HOXA3: variants seen among roughly 807,000 people sequenced by gnomAD.
The protein encoded by HOXA3 is homeobox A3.
Under a neutral mutation model 30.3 loss-of-function variants are expected in HOXA3, and 8 were observed. The ratio of observed to expected loss-of-function variants is 0.26; its 90% confidence interval spans 0.15 to 0.48. The LOEUF (loss-of-function observed/expected upper bound fraction) is 0.48, where lower values mean the gene tolerates loss of function less well. HOXA3 is among the 20% of genes least tolerant of loss of function. The pLI is 0.99. For missense variants in HOXA3, 653 were observed against 614.4 expected (o/e 1.06, Z -0.66); for synonymous variants, 323 against 273.1 (o/e 1.18, Z -1.80).
chr7:27,145,746 T>C (rs1583410880), intron 1 of HOXA3: 1 of 1,614,090 alleles, frequency 6.2e-7, no homozygotes, highest in African/African-American at 1.3e-5. Flanking sequence ...CATGCGGCGG[T>C]TCTGGAACCA....
chr7:27,116,864 C>T (rs1784752885), intron 4 of HOXA3, among the ~76,000 whole-genome samples: 1 of 152,114 alleles, frequency 6.6e-6, no homozygotes, highest in African/African-American at 2.4e-5. Flanking sequence ...TGGTTACTGC[C>T]GAGGCCGGCA....
chr7:27,108,697 T>A lies in HOXA3; in HGVS notation c.550A>T (p.Ser184Cys). Residue 184 changes from serine (S) to cysteine (C), a missense_variant, in exon 6 of 6, where the codon AGC (serine) becomes TGC (cysteine). Physicochemically the swap from Ser to Cys is moderately radical, Grantham distance 112. Around this residue, in one of 3 missense-constraint regions of HOXA3, gnomAD observed 320 missense variants for 321.9 expected, o/e 0.99. Transcript: ENST00000612286. This position sits in a 1 kb window ranked among gnomAD's most constrained non-coding sequence, Gnocchi z 5.0. ...SSGESCAGDK[S>C]PPGQASSKRA... ...TTGGACGAAGCCTGCCCCGGCGGGC[T>A]CTTGTCGCCAGCGCAGCTTTCGCCT... 1 of 1,604,558 alleles carries A rather than the reference T, an allele frequency of 6.2e-7. No individual in the cohort carries two copies. The highest frequency in any genetic ancestry group is 2.2e-5 in the East Asian group (1 of 44,608).
chr7:27,143,472 C>T (rs1355959652), intron 1 of HOXA3: 4 of 1,613,726 alleles, frequency 2.5e-6, no homozygotes, highest in Non-Finnish European at 3.4e-6. Context: ...TAGCCGTAGC[C>T]GTACCTGCCG....
intron 1 of HOXA3, among the ~76,000 whole-genome samples, chr7:27,148,888 A>C (rs1181637357): frequency 6.6e-6 from 1 of 152,246 alleles, no homozygotes; most frequent in Non-Finnish European, 1.5e-5. Context: ...GCAGCTCTGC[A>C]GGGCCCAAGG....
intron 1 of HOXA3, among the ~76,000 whole-genome samples, chr7:27,145,057 G>T (rs1782702696): frequency 6.6e-6 from 1 of 152,200 alleles, no homozygotes; most frequent in South Asian, 2.1e-4. Flanking sequence ...ACGCGGGACC[G>T]AGAGACTGGG....
intron 5 of HOXA3, among the ~76,000 whole-genome samples, chr7:27,109,551 GGAT>G (rs945992218): frequency 3.9e-5 from 6 of 152,332 alleles, no homozygotes; most frequent in South Asian, 2.1e-4. Flanking sequence ...GTTCCCATTA[GGAT>G]GATAAGTCTG....
chr7:27,130,367 C>T, intron 2 of HOXA3: 1 of 1,140,656 alleles, frequency 8.8e-7, no homozygotes, highest in Non-Finnish European at 1.1e-6. Context: ...GGGCCCTTGG[C>T]TTGCGCCGGG....
chr7:27,145,633 G>A, intron 1 of HOXA3: 1 of 1,604,946 alleles, frequency 6.2e-7, no homozygotes, highest in Non-Finnish European at 8.5e-7. Context: ...AGGTTGCAGC[G>A]CTGGCCTGGT....
intron 1 of HOXA3, among the ~76,000 whole-genome samples, chr7:27,146,424 A>G (rs1218238213): frequency 1.3e-5 from 2 of 152,142 alleles, no homozygotes. Flanking sequence ...ATCTTTACAC[A>G]TTCTCCCAAA....
chr7:27,151,904 C>A (rs1413768760), intron 1 of HOXA3, among the ~76,000 whole-genome samples: 1 of 152,072 alleles, frequency 6.6e-6, no homozygotes. Flanking sequence ...AAAGGGCTGG[C>A]GGGGAACACA....
intron 1 of HOXA3, chr7:27,142,947 T>G: frequency 1.8e-5 from 21 of 1,142,302 alleles, no homozygotes; most frequent in East Asian, 2.6e-5. Context: ...CTGGGAGAAA[T>G]GAGACCAAGA....
rs1783012884 is a variant in HOXA3 at position 27,152,535 on chromosome 7, G to A, written c.-741C>T. ...GGACAAAGCACAGCCGAGCCCGGCT[G>A]GAAGGCAGAGCTCCGAAGCAGGCAG... is the stretch of plus-strand genomic sequence containing the variant. On this transcript the variant is annotated 5_prime_UTR_variant, in exon 1 of 6. Coordinates refer to ENST00000612286, the MANE Select transcript of HOXA3 (RefSeq NM_153631.3). 4.2e-6 allele frequency: 5 copies of A among 1,180,688 alleles called. No homozygotes were observed. Among genetic ancestry groups the A allele is most frequent in the Non-Finnish European group, 4.3e-6 (4 of 938,174 alleles). The allele number at this position is 1,180,688 out of a possible 1,614,324, so 73.1% of individuals were successfully genotyped here. A position where few individuals can be genotyped will look rare whatever the true frequency, so the allele number is the denominator to read the frequency against.
chr7:27,139,912 C>T (rs1199802035), intron 2 of HOXA3, among the ~76,000 whole-genome samples, 171 bp downstream of exon 2: 1 of 152,056 alleles, frequency 6.6e-6, no homozygotes, highest in African/African-American at 2.4e-5. Context: ...CTGCTGCCTC[C>T]GCAGAGTTGG....
rs746698369 is a variant in HOXA3, at chr7:27,110,206, C to T, written c.435G>A (p.Leu145=). Residue 145 remains leucine (L), a synonymous_variant, in exon 5 of 6, where the codon CTG becomes CTA. Coordinates refer to ENST00000612286, the MANE Select transcript of HOXA3 (RefSeq NM_153631.3). ...GTTTGGCCACTGTGGGTGAGTTGAG[C>T]AGGGGGCTCTTGGCCGCGTTGGCAG... The part of the protein sequence containing the change: ...PTPANAAKSP[L]LNSPTVAKQI... 5 of 1,613,906 alleles carry T rather than the reference C, an allele frequency of 3.1e-6. No homozygotes were observed. In the South Asian group the frequency reaches 5.5e-5, roughly 18 times the overall value.
At chr7:27,143,577 C>A (rs1395521067) in intron 1 of HOXA3, 2 of 1,599,990 alleles carry the variant, frequency 1.3e-6, no homozygotes, top group East Asian at 2.2e-5. Context: ...GGATAGCGAC[C>A]GCAAAATGAG....
In HOXA3 at chr7:27,152,280, T is replaced by G; in HGVS notation, c.-494+8A>C. On this transcript the variant is annotated splice_region_variant and intron_variant, in intron 1 of 5. Transcript: ENST00000612286. ...CCTTTGCTCCTATCTCCTCCCCACA[T>G]GTCTCACCTTCAGACGGTGGCTCCC... is the stretch of plus-strand genomic sequence containing the variant. The G allele has an allele frequency of 7.8e-7, 1 of 1,279,696 alleles. No homozygotes were observed. The highest frequency in any genetic ancestry group is 1.0e-6 in the Non-Finnish European group (1 of 983,618). The allele number at this position is 1,279,696 out of a possible 1,614,324, so 79.3% of individuals were successfully genotyped here.
At position 27,143,334 on chromosome 7, in the gene HOXA3, A is replaced by G; in HGVS notation, c.-493-3148T>C. ...GGATCGGGCTGAGGAGAGTGCGTGG[A>G]CGTGGCCGGCTGGCTGTACCTGGGC... On this transcript the variant is annotated intron_variant, in intron 1 of 5. Transcript: ENST00000612286. 3 of 1,594,544 alleles carry G rather than the reference A, an allele frequency of 1.9e-6. No homozygotes were observed. The South Asian group carries it at 3.3e-5, about 18-fold the overall frequency.
chr7:27,130,907 T>A (rs1293189688), intron 2 of HOXA3: 5 of 662,482 alleles, frequency 7.5e-6, no homozygotes, highest in Non-Finnish European at 1.1e-5. Flanking sequence ...CCACCAAAGT[T>A]CGAGCCGCTC....
At chr7:27,109,983 G>A in intron 5 of HOXA3, 132 bp downstream of exon 5, 1 of 1,119,170 alleles carries the variant, frequency 8.9e-7, no homozygotes, top group Non-Finnish European at 1.3e-6. Context: ...AACCTTTTTG[G>A]TGGGCAGTGG....
Sources: allele counts gnomAD v4.1 joint callset (sites outside exome capture counted in the v4.1 genomes callset), GRCh38; gene constraint gnomAD v4.1.1; regional missense constraint gnomAD v4.1.1; non-coding constraint Gnocchi (gnomAD v3.1); transcripts MANE v1.5; gene names NCBI Gene and HGNC (gene_info 2026-07-23, HGNC 2026-07-21).